The following IL1RAPL2 variants were observed in gnomAD, a reference collection of about 807,000 sequenced individuals.
The protein encoded by IL1RAPL2 is interleukin 1 receptor accessory protein like 2, also known as X-linked interleukin-1 receptor accessory protein-like 2.
A neutral mutation model predicts 44.1 loss-of-function variants in IL1RAPL2; 3 were observed. The ratio of observed to expected loss-of-function variants is 0.07; its 90% CI spans 0.03 to 0.18. The LOEUF (loss-of-function observed/expected upper bound fraction) is 0.18, where lower values mean the gene tolerates loss of function less well. Ranked by LOEUF, IL1RAPL2 falls within the 10% of genes least tolerant of loss-of-function variation. The probability of loss-of-function intolerance (pLI) is 1.00; values close to 1 mark genes in which losing one functional copy is unlikely to be tolerated. For missense variants in IL1RAPL2, 391 were observed against 496.4 expected (o/e 0.79, Z 2.02); for synonymous variants, 181 against 178.8 (o/e 1.01, Z -0.10).
At chrX:104,706,911 A>G (rs1172340185) in intron 2 of IL1RAPL2, among the ~76,000 whole-genome samples, 1 of 111,789 alleles carries the variant, frequency 8.9e-6, no homozygotes, top group Non-Finnish European at 1.9e-5. Context: ...ATATGACATT[A>G]TTAACAAACC....
chrX:104,721,543 G>C (rs1261466732), intron 2 of IL1RAPL2, among the ~76,000 whole-genome samples: 1 of 110,885 alleles, frequency 9.0e-6, no homozygotes, highest in Non-Finnish European at 1.9e-5. Context: ...GGCAGAGGGA[G>C]AGAGAGCATC....
intron 6 of IL1RAPL2, among the ~76,000 whole-genome samples, chrX:105,501,727 C>T (rs2036397245): frequency 8.9e-6 from 1 of 111,957 alleles, no homozygotes; most frequent in Admixed American, 9.5e-5. Flanking sequence ...AGTGGCTTAA[C>T]GTAAGAAAAG....
chrX:104,616,157 T>C (rs1929273386), intron 1 of IL1RAPL2, among the ~76,000 whole-genome samples: 1 of 112,640 alleles, frequency 8.9e-6, no homozygotes, highest in Admixed American at 9.4e-5. Context: ...AAAAATTTTC[T>C]CCGCTCTGTA....
At chrX:104,674,088 A>C (rs1279429386) in intron 2 of IL1RAPL2, among the ~76,000 whole-genome samples, 1 of 111,289 alleles carries the variant, frequency 9.0e-6, no homozygotes, top group African/African-American at 3.3e-5. Flanking sequence ...AATACCCTTT[A>C]TTTCTTTCTC....
intron 2 of IL1RAPL2, among the ~76,000 whole-genome samples, chrX:104,876,586 A>T (rs746590128): frequency 1.4e-4 from 15 of 105,545 alleles, no homozygotes; most frequent in African/African-American, 5.3e-4. Flanking sequence ...GATTTCTATT[A>T]TTGTTCCTAG....
chrX:104,693,448 A>G (rs1440580606), intron 2 of IL1RAPL2, among the ~76,000 whole-genome samples: 2 of 111,756 alleles, frequency 1.8e-5, no homozygotes, highest in Non-Finnish European at 3.8e-5. Context: ...TGCACATAGG[A>G]CATTACATTT....
intron 1 of IL1RAPL2, among the ~76,000 whole-genome samples, chrX:104,627,357 A>G (rs747570821): frequency 9.2e-5 from 9 of 98,228 alleles, no homozygotes; most frequent in African/African-American, 3.3e-4. Flanking sequence ...GGGGGAGGGA[A>G]AGCATTAGGA....
intron 4 of IL1RAPL2, among the ~76,000 whole-genome samples, chrX:105,248,899 T>G (rs747404524): frequency 9.0e-6 from 1 of 111,560 alleles, no homozygotes; most frequent in South Asian, 3.7e-4. Flanking sequence ...TTGGTAGGAA[T>G]GTAAATTACT....
intron 2 of IL1RAPL2, among the ~76,000 whole-genome samples, chrX:104,966,978 C>T (rs919904983): frequency 8.9e-6 from 1 of 112,331 alleles, no homozygotes; most frequent in Non-Finnish European, 1.9e-5. Flanking sequence ...TCTCACATGC[C>T]AAAAACAGGC....
At chrX:104,795,420 T>C (rs1932844332) in intron 2 of IL1RAPL2, among the ~76,000 whole-genome samples, 1 of 46,182 alleles carries the variant, frequency 2.2e-5, no homozygotes. Flanking sequence ...TCTCCCTTCC[T>C]TTTTTTTTTT....
chrX:104,630,211 G>A (rs1382043419), intron 1 of IL1RAPL2, among the ~76,000 whole-genome samples: 14 of 107,263 alleles, frequency 1.3e-4, no homozygotes, highest in African/African-American at 4.8e-4. Context: ...ACAGTGGCGC[G>A]ATCTCGGCTC....
At chrX:105,489,768 CTT>C (rs1569447155) in intron 6 of IL1RAPL2, among the ~76,000 whole-genome samples, 1 of 79,203 alleles carries the variant, frequency 1.3e-5, no homozygotes. Flanking sequence ...CTCTTTCTTT[CTT>C]TCTTTTCTTT....
At chrX:105,689,483 GT>G (rs1290815964) in intron 6 of IL1RAPL2, among the ~76,000 whole-genome samples, 1 of 112,292 alleles carries the variant, frequency 8.9e-6, no homozygotes, top group Non-Finnish European at 1.9e-5. Context: ...ATCATCACTG[GT>G]CATCAGAGAA....
intron 5 of IL1RAPL2, among the ~76,000 whole-genome samples, chrX:105,451,471 G>A (rs920100138): frequency 1.8e-5 from 2 of 111,902 alleles, no homozygotes; most frequent in African/African-American, 6.5e-5. Context: ...ATTGTTTCTG[G>A]TACACAATAA....
At chrX:104,707,407 A>G (rs1003427879) in intron 2 of IL1RAPL2, among the ~76,000 whole-genome samples, 12 of 111,856 alleles carry the variant, frequency 1.1e-4, no homozygotes, top group South Asian at 3.7e-4. Context: ...AGTATGAAAG[A>G]GTTCCAACAG....
chrX:104,798,371 CT>C (rs757608308), intron 2 of IL1RAPL2, among the ~76,000 whole-genome samples: 8 of 110,344 alleles, frequency 7.3e-5, no homozygotes, highest in Non-Finnish European at 1.5e-4. Flanking sequence ...CATTTACAAG[CT>C]GATAGGCCAG....
chrX:105,222,733 A>G (rs957664530), intron 3 of IL1RAPL2, among the ~76,000 whole-genome samples: 5 of 112,166 alleles, frequency 4.5e-5, no homozygotes, highest in African/African-American at 1.6e-4. Flanking sequence ...GGATGAGGGA[A>G]TGCTGAGGAT....
At chrX:104,634,935 C>A (rs929978646) in intron 1 of IL1RAPL2, among the ~76,000 whole-genome samples, 32 of 111,511 alleles carry the variant, frequency 2.9e-4, no homozygotes, top group Non-Finnish European at 5.6e-4. Flanking sequence ...TCCTTCCTAG[C>A]CTTGATGGTC....
chrX:104,799,924 A>AT (rs764693138), intron 2 of IL1RAPL2, among the ~76,000 whole-genome samples: 7 of 111,524 alleles, frequency 6.3e-5, no homozygotes, highest in African/African-American at 1.6e-4. Context: ...TATCCAAGTG[A>AT]TTTTTTAAGA....
Sources: gnomAD v4.1 joint callset for allele counts (sites outside exome capture counted in the v4.1 genomes callset) on GRCh38, gnomAD v4.1.1 for gene constraint, MANE v1.5 for transcripts, NCBI Gene and HGNC (gene_info 2026-07-23, HGNC 2026-07-21) for gene names.